The following SDK1 variants were observed in gnomAD, a reference collection of about 807,000 sequenced individuals.
The protein encoded by SDK1 is sidekick cell adhesion molecule 1.
SDK1 carries 157 observed loss-of-function variants against 245.5 expected under a neutral mutation model. That is an observed-to-expected ratio of 0.64 (90% CI 0.56 to 0.73). The LOEUF is 0.73. Among genes scored for constraint, SDK1 ranks in the 30% least tolerant of loss-of-function variants. The pLI, the probability that SDK1 is intolerant of heterozygous loss-of-function variation, is 0.00. For missense variants in SDK1, 3,583 were observed against 3,002.3 expected, an observed-to-expected ratio of 1.19 and a Z score of -4.52; for synonymous variants, 1,647 against 1,278.5, an observed-to-expected ratio of 1.29 and a Z score of -6.15.
intron 1 of SDK1, among the ~76,000 whole-genome samples, chr7:3,354,716 C>T (rs1010230909): frequency 5.9e-5 from 9 of 152,094 alleles, no homozygotes; most frequent in Non-Finnish European, 1.5e-5. Context: ...TTTAAATAGC[C>T]CTGCTAGCTA....
chr7:3,797,016 T>C (rs1225024278), intron 4 of SDK1, among the ~76,000 whole-genome samples: 1 of 152,030 alleles, frequency 6.6e-6, no homozygotes, highest in Non-Finnish European at 1.5e-5. Context: ...TTTCTTTTTT[T>C]TCTTTAGAGA....
chr7:3,548,903 T>C (rs1779314401), intron 1 of SDK1, among the ~76,000 whole-genome samples: 1 of 152,198 alleles, frequency 6.6e-6, no homozygotes, highest in Non-Finnish European at 1.5e-5. Context: ...GATATCTCCT[T>C]CTCTAGCATT....
chr7:3,532,171 T>G (rs1174304382), intron 1 of SDK1, among the ~76,000 whole-genome samples: 2 of 152,228 alleles, frequency 1.3e-5, no homozygotes, highest in South Asian at 2.1e-4. Context: ...TCAGGACTAC[T>G]GTTTTTTCCA....
intron 1 of SDK1, among the ~76,000 whole-genome samples, chr7:3,515,925 G>A (rs947084469): frequency 4.6e-5 from 7 of 152,020 alleles, no homozygotes; most frequent in East Asian, 1.9e-4. Context: ...GAAATTTTTC[G>A]TTTTTGACCT....
At chr7:3,899,439 C>T (rs1052928321) in intron 5 of SDK1, among the ~76,000 whole-genome samples, 1 of 152,228 alleles carries the variant, frequency 6.6e-6, no homozygotes, top group African/African-American at 2.4e-5. Flanking sequence ...AGGATAATCA[C>T]TCATTTTCTC....
chr7:3,359,291 C>T (rs775650273), intron 1 of SDK1, among the ~76,000 whole-genome samples: 1 of 152,190 alleles, frequency 6.6e-6, no homozygotes, highest in Non-Finnish European at 1.5e-5. Context: ...CCTGATGGCA[C>T]TTGAGGAATC....
intron 4 of SDK1, among the ~76,000 whole-genome samples, chr7:3,678,645 T>TA (rs1449018075): frequency 6.6e-6 from 1 of 152,176 alleles, no homozygotes; most frequent in East Asian, 1.9e-4. Context: ...AGATGGGAGT[T>TA]ACTGTGTCAC....
intron 4 of SDK1, among the ~76,000 whole-genome samples, chr7:3,677,682 G>A (rs1328245438): frequency 1.3e-5 from 2 of 152,156 alleles, no homozygotes; most frequent in African/African-American, 2.4e-5. Flanking sequence ...TAAAGACAGT[G>A]TTTATGAATT....
chr7:3,439,343 A>G (rs955307959), intron 1 of SDK1, among the ~76,000 whole-genome samples: 2 of 152,204 alleles, frequency 1.3e-5, no homozygotes, highest in African/African-American at 4.8e-5. Context: ...TCAAGTCATC[A>G]TATATGAGTA....
chr7:3,840,819 T>C (rs559575157), intron 5 of SDK1, among the ~76,000 whole-genome samples: 75 of 152,338 alleles, frequency 4.9e-4, no homozygotes, highest in African/African-American at 1.7e-3. Context: ...TGAAAAGTCT[T>C]AGGACCCATG....
chr7:4,261,261 ACT>A (rs1191591875), intron 44 of SDK1, among the ~76,000 whole-genome samples: 7 of 151,260 alleles, frequency 4.6e-5, no homozygotes, highest in African/African-American at 7.3e-5. Flanking sequence ...TGGGTAATTC[ACT>A]CTGACTCTCA....
chr7:3,949,071 C>T (rs1423591953), intron 5 of SDK1, among the ~76,000 whole-genome samples: 5 of 152,160 alleles, frequency 3.3e-5, no homozygotes, highest in African/African-American at 1.2e-4. Flanking sequence ...GCCATCTTCT[C>T]AGAAATCTGA....
intron 4 of SDK1, among the ~76,000 whole-genome samples, chr7:3,810,167 C>T (rs563383663): frequency 6.6e-6 from 1 of 152,182 alleles, no homozygotes; most frequent in African/African-American, 2.4e-5. Context: ...AGGAGCCCCC[C>T]CATATCTGGA....
rs1425180608 is a variant in SDK1 at position 3,968,383 on chromosome 7, G to A, written c.1547-874G>A. On this transcript the variant is annotated intron_variant, in intron 10 of 44. Coordinates refer to ENST00000404826, the MANE Select transcript of SDK1 (RefSeq NM_152744.4). ...TCACATGGATGAGCTCCTCATACTTGCTGGGCTGTATCGGGCTGACATGCC... is the reference window on the plus strand; with the variant it reads ...TCACATGGATGAGCTCCTCATACTTACTGGGCTGTATCGGGCTGACATGCC... Among the ~76,000 whole-genome samples, 7 of 152,274 alleles carry A rather than the reference G, an allele frequency of 4.6e-5. No individual in the cohort carries two copies. In the East Asian group the frequency reaches 1.2e-3, roughly 25 times the overall value.
At chr7:4,264,387 G>A (rs1402482686) in intron 44 of SDK1, among the ~76,000 whole-genome samples, 1 of 136,646 alleles carries the variant, frequency 7.3e-6, no homozygotes, top group Non-Finnish European at 1.6e-5. Context: ...GAGGGAGGCC[G>A]TGTGGACCTC....
At chr7:3,707,597 T>C (rs572704578) in intron 4 of SDK1, among the ~76,000 whole-genome samples, 7 of 152,336 alleles carry the variant, frequency 4.6e-5, no homozygotes, top group African/African-American at 1.7e-4. Context: ...GTCCATTGTT[T>C]GTTCGTTGAC....
intron 1 of SDK1, among the ~76,000 whole-genome samples, chr7:3,482,064 C>T (rs1207785886): frequency 6.6e-6 from 1 of 151,734 alleles, no homozygotes; most frequent in African/African-American, 2.4e-5. Context: ...AAAGGCAAGC[C>T]ATGCAAAAGT....
At chr7:3,346,992 C>T (rs1448492904) in intron 1 of SDK1, among the ~76,000 whole-genome samples, 1 of 150,934 alleles carries the variant, frequency 6.6e-6, no homozygotes, top group African/African-American at 2.4e-5. Context: ...ATTTATTCTC[C>T]TCCTTCTCTG....
At chr7:3,749,856 T>G (rs950721917) in intron 4 of SDK1, among the ~76,000 whole-genome samples, 26 of 152,188 alleles carry the variant, frequency 1.7e-4, no homozygotes, top group African/African-American at 4.8e-4. Flanking sequence ...AAAATTAATT[T>G]AGACTGAGTC....
Sources: gnomAD v4.1 joint callset for allele counts (sites outside exome capture counted in the v4.1 genomes callset) on GRCh38, gnomAD v4.1.1 for gene constraint, MANE v1.5 for transcripts, NCBI Gene and HGNC (gene_info 2026-07-23, HGNC 2026-07-21) for gene names.